The following DLGAP2 variants were observed in gnomAD, a reference collection of about 807,000 sequenced individuals.
DLGAP2 encodes disks large-associated protein 2.
DLGAP2 carries 26 observed loss-of-function variants against 100.3 expected under a neutral mutation model. The observed-to-expected ratio is 0.26, with a 90% CI of 0.19 to 0.36. DLGAP2 has a LOEUF of 0.36. DLGAP2 is among the 10% of genes least tolerant of loss of function. The pLI, the probability that DLGAP2 is intolerant of heterozygous loss-of-function variation, is 1.00. For missense variants in DLGAP2, 1,858 were observed against 1,453.2 expected, an observed-to-expected ratio of 1.28 and a Z score of -4.53; for synonymous variants, 886 against 630.1, an observed-to-expected ratio of 1.41 and a Z score of -6.08.
At chr8:1,351,078 A>T (rs1224510583) in intron 3 of DLGAP2, among the ~76,000 whole-genome samples, 1 of 24,734 alleles carries the variant, frequency 4.0e-5, no homozygotes, top group Admixed American at 5.0e-4. Context: ...GTGTGTGTGG[A>T]AACACCGTGC....
Position 1,419,634 on chromosome 8 carries a change from A to G in DLGAP2, c.107-81732A>G, listed in dbSNP as rs528770317. ...ATCCAGCATCGCATCACTAATCCCC[A>G]GGGAAGTGCAAATCAAAACCACACT... On this transcript the variant is annotated intron_variant, in intron 3 of 14. Transcript: ENST00000637795. Among the ~76,000 whole-genome samples, 14 of 152,338 alleles carry G rather than the reference A, an allele frequency of 9.2e-5. No individual in the cohort carries two copies. The South Asian group carries it at 1.9e-3, about 20-fold the overall frequency.
intron 4 of DLGAP2, among the ~76,000 whole-genome samples, chr8:1,502,187 AT>A (rs1256714628): frequency 6.6e-6 from 1 of 152,222 alleles, no homozygotes; most frequent in Non-Finnish European, 1.5e-5. Flanking sequence ...GTCTGTGGTT[AT>A]TCTCTAACCT....
At chr8:1,383,438 G>T (rs1275682159) in intron 3 of DLGAP2, among the ~76,000 whole-genome samples, 1 of 152,210 alleles carries the variant, frequency 6.6e-6, no homozygotes, top group East Asian at 1.9e-4. Flanking sequence ...AAATGGTACG[G>T]TATGTGTTAG....
intron 8 of DLGAP2, among the ~76,000 whole-genome samples, chr8:1,652,520 A>T (rs1402775563): frequency 6.6e-6 from 1 of 152,182 alleles, no homozygotes; most frequent in Non-Finnish European, 1.5e-5. Context: ...ACTTGCAACT[A>T]ACCCTGGTCT....
chr8:1,529,746 G>C (rs1007360675), intron 4 of DLGAP2, among the ~76,000 whole-genome samples: 2 of 152,190 alleles, frequency 1.3e-5, no homozygotes, highest in Non-Finnish European at 2.9e-5. Flanking sequence ...TATTCACGTA[G>C]GTTCTTTTCT....
chr8:1,293,535 C>T (rs1388209063), intron 3 of DLGAP2, among the ~76,000 whole-genome samples: 1 of 152,196 alleles, frequency 6.6e-6, no homozygotes, highest in African/African-American at 2.4e-5. Flanking sequence ...TCCTTTGGGC[C>T]TGGAATTTTT....
chr8:1,586,382 G>C (rs1351396220), intron 6 of DLGAP2, among the ~76,000 whole-genome samples: 3 of 152,224 alleles, frequency 2.0e-5, no homozygotes, highest in Admixed American at 1.3e-4. Context: ...CATCTTCAGA[G>C]CCAGCTGGAC....
chr8:1,380,295 G>C (rs1427460579), intron 3 of DLGAP2: 2 of 152,174 alleles, frequency 1.3e-5, no homozygotes, highest in Non-Finnish European at 2.9e-5. Flanking sequence ...GGCACCGACG[G>C]GAGCTCAGGC....
At chr8:945,800 C>T (rs1174128804) in intron 2 of DLGAP2, among the ~76,000 whole-genome samples, 1 of 152,108 alleles carries the variant, frequency 6.6e-6, no homozygotes, top group Admixed American at 6.6e-5. Context: ...CCTCTCCTCC[C>T]TCTCTCGCTC....
At chr8:1,024,528 C>T (rs1288531732) in intron 2 of DLGAP2, among the ~76,000 whole-genome samples, 1 of 152,220 alleles carries the variant, frequency 6.6e-6, no homozygotes, top group African/African-American at 2.4e-5. Context: ...CTCTGCCTGG[C>T]ACAGCAGCTT....
intron 1 of DLGAP2, among the ~76,000 whole-genome samples, chr8:820,546 G>C (rs185326762): frequency 6.6e-6 from 1 of 152,306 alleles, no homozygotes; most frequent in East Asian, 1.9e-4. Context: ...AAATTTGTTT[G>C]CTCAATAATC....
intron 4 of DLGAP2, 23 bp downstream of exon 4, chr8:1,501,454 G>A (rs947481398): frequency 7.2e-6 from 11 of 1,535,008 alleles, no homozygotes; most frequent in Middle Eastern, 1.7e-4. Flanking sequence ...CGTCAGCCCC[G>A]CTCTGGCGGG....
At chr8:912,805 G>A (rs954287375) in intron 2 of DLGAP2, among the ~76,000 whole-genome samples, 6 of 144,110 alleles carry the variant, frequency 4.2e-5, no homozygotes, top group Non-Finnish European at 9.1e-5. Flanking sequence ...CTGTGGAGCC[G>A]GCTTCCCACA....
intron 3 of DLGAP2, among the ~76,000 whole-genome samples, chr8:1,261,958 A>G (rs1422195658): frequency 6.6e-6 from 1 of 152,178 alleles, no homozygotes; most frequent in Non-Finnish European, 1.5e-5. Context: ...AGCGCTCATT[A>G]CATCCAGAAG....
At chr8:1,147,679 G>C (rs1330124403) in intron 2 of DLGAP2, among the ~76,000 whole-genome samples, 1 of 151,758 alleles carries the variant, frequency 6.6e-6, no homozygotes, top group African/African-American at 2.4e-5. Flanking sequence ...CTAAAGGCAA[G>C]TTCCACCAAG....
At chr8:1,524,040 G>T (rs973439743) in intron 4 of DLGAP2, among the ~76,000 whole-genome samples, 2 of 152,202 alleles carry the variant, frequency 1.3e-5, no homozygotes, top group African/African-American at 2.4e-5. Flanking sequence ...TTCCAAAGAC[G>T]TTTCTGATCT....
chr8:1,692,810 G>C (rs952666623), intron 13 of DLGAP2, among the ~76,000 whole-genome samples: 1 of 151,434 alleles, frequency 6.6e-6, no homozygotes, highest in African/African-American at 2.4e-5. Context: ...GGTTATTCCT[G>C]ACAAGCAAAC....
chr8:1,204,400 C>T (rs1285955760), intron 2 of DLGAP2, among the ~76,000 whole-genome samples: 6 of 152,242 alleles, frequency 3.9e-5, no homozygotes, highest in Non-Finnish European at 2.9e-5. Context: ...AAGTGATACT[C>T]ACAGGTGTGA....
intron 1 of DLGAP2, among the ~76,000 whole-genome samples, chr8:871,347 T>C (rs1328450695): frequency 1.3e-5 from 2 of 152,218 alleles, no homozygotes; most frequent in African/African-American, 4.8e-5. Flanking sequence ...ACATTTCCAT[T>C]TGCACTTTGG....
Sources: gnomAD v4.1 joint callset for allele counts (sites outside exome capture counted in the v4.1 genomes callset) on GRCh38, gnomAD v4.1.1 for gene constraint, MANE v1.5 for transcripts, NCBI Gene and HGNC (gene_info 2026-07-23, HGNC 2026-07-21) for gene names.